The following DDX47 variants were observed in gnomAD, a reference collection of about 807,000 sequenced individuals.
The protein encoded by DDX47 is probable ATP-dependent RNA helicase DDX47.
A neutral mutation model predicts 58.8 loss-of-function variants in DDX47; 60 were observed. That is an observed-to-expected ratio of 1.02 (90% confidence interval 0.83 to 1.26). The LOEUF (loss-of-function observed/expected upper bound fraction) is 1.26. Ranked by LOEUF, DDX47 falls within the 50% of genes most tolerant of loss-of-function variation. The pLI is 0.00. For synonymous variants in DDX47, 197 were observed against 204.6 expected, an observed-to-expected ratio of 0.96 and a Z score of 0.32; for missense variants, 530 against 573.2, an observed-to-expected ratio of 0.92 and a Z score of 0.77.
intron 9 of DDX47, 71 bp downstream of exon 9, chr12:12,824,748 C>A (rs1319028869): frequency 1.3e-6 from 2 of 1,496,712 alleles, no homozygotes; most frequent in African/African-American, 2.8e-5. Context: ...TCTGTCTTTC[C>A]TTAGTTACAG....
chr12:12,822,414 A>G (rs1273509428), intron 5 of DDX47, among the ~76,000 whole-genome samples: 1 of 152,178 alleles, frequency 6.6e-6, no homozygotes, highest in Non-Finnish European at 1.5e-5. Context: ...TTTTCTCTTA[A>G]ATCAGCTCTG....
Position 12,817,549 on chromosome 12 carries a change from T to C in DDX47, c.181+3325T>C, listed in dbSNP as rs1862914474. Among the ~76,000 whole-genome samples the C allele has an allele frequency of 2.0e-5, 3 of 152,204 alleles. No homozygotes were observed. In the South Asian group the frequency reaches 6.2e-4, roughly 32 times the overall value. The stretch of plus-strand genomic sequence containing the variant: ...GTAACACATTGAGACACCATCTATT[T>C]ATGTCTGTTTCAGAGATCACTTAAA... On this transcript the variant is annotated intron_variant, in intron 2 of 11. Coordinates refer to ENST00000358007, the MANE Select transcript of DDX47 (RefSeq NM_016355.4).
At position 12,822,095 on chromosome 12, in the gene DDX47, A is replaced by G. The variant is rs1280608969; in HGVS notation, c.561+12A>G. 3 of 1,576,156 alleles carry G rather than the reference A, an allele frequency of 1.9e-6. No individual in the cohort carries two copies. Among genetic ancestry groups the G allele is most frequent in the Admixed American group, 1.7e-5 (1 of 59,422 alleles). On this transcript the variant is annotated intron_variant, in intron 5 of 11. Transcript: ENST00000358007. The stretch of plus-strand genomic sequence containing the variant: ...ATTTTGAGACAGAGGTGAGCTCTCA[A>G]TTTCTTTCCTCCTCTTAGAGCATCT...
intron 8 of DDX47, 97 bp from the exon 9 acceptor site, chr12:12,824,443 A>G (rs1398317720): frequency 2.5e-5 from 36 of 1,424,114 alleles, no homozygotes; most frequent in Non-Finnish European, 3.3e-5. Context: ...AAACCTTTAA[A>G]AAATTTATGT....
intron 9 of DDX47, 96 bp from the exon 10 acceptor site, chr12:12,825,904 T>C (rs1256759943): frequency 2.2e-6 from 2 of 904,046 alleles, no homozygotes; most frequent in Non-Finnish European, 3.2e-6. Flanking sequence ...ATGAATCTAT[T>C]TTCTTTCAAA....
At position 12,821,820 on chromosome 12, in the gene DDX47, T is replaced by C. The variant is rs1862977007; in HGVS notation, c.442+94T>C. 2.2e-5 allele frequency: 28 copies of C among 1,264,734 alleles called. No homozygotes were observed. The South Asian group carries it at 3.5e-4, about 16-fold the overall frequency. The allele number at this position is 1,264,734 out of a possible 1,614,324, so 78.3% of individuals were successfully genotyped here. ...GAAAGACTTTGAGAAACAGATTTTGTAACCCTGTTAAATTTTTTAATTTCT... is the reference window on the plus strand; with the variant it reads ...GAAAGACTTTGAGAAACAGATTTTGCAACCCTGTTAAATTTTTTAATTTCT... On this transcript the variant is annotated intron_variant, in intron 4 of 11. Transcript: ENST00000358007.
At chr12:12,827,215 C>T (rs1298519632) in intron 10 of DDX47, 31 bp from the exon 11 acceptor site, 2 of 1,604,564 alleles carry the variant, frequency 1.2e-6, no homozygotes, top group Non-Finnish European at 1.7e-6. Context: ...CGTTACCAGG[C>T]AACCAGAGCT....
intron 11 of DDX47, among the ~76,000 whole-genome samples, chr12:12,828,014 T>A (rs1462105713): frequency 6.6e-6 from 1 of 151,892 alleles, no homozygotes; most frequent in Non-Finnish European, 1.5e-5. Flanking sequence ...TACAGGCATG[T>A]GCCACCATGC....
intron 2 of DDX47, among the ~76,000 whole-genome samples, chr12:12,819,976 C>T (rs1454531165): frequency 1.3e-5 from 2 of 152,118 alleles, no homozygotes; most frequent in Non-Finnish European, 2.9e-5. Flanking sequence ...CAGGTTATGT[C>T]AGGGAAAAGA....
In DDX47 at chr12:12,819,978, G is replaced by C. The variant is rs182009084; in HGVS notation, c.182-1230G>C. On this transcript the variant is annotated intron_variant, in intron 2 of 11. Transcript: ENST00000358007. ...TGTAAGTCATGTTCAGGTTATGTCA[G>C]GGAAAAGAGATTTGTTTATTGTAGG... 9.8e-5 allele frequency among the ~76,000 whole-genome samples: 15 copies of C among 152,292 alleles called. No individual in the cohort carries two copies. In the East Asian group the frequency reaches 2.9e-3, roughly 29 times the overall value.
At position 12,828,611 on chromosome 12, in the gene DDX47, T is replaced by C. The variant is rs558908139; in HGVS notation, c.1237-812T>C. ...TGGAGAAACTTTGCCCATAGTTTGT[T>C]TTTGGAGTAGCTGAGGTGCACATTT... On this transcript the variant is annotated intron_variant, in intron 11 of 11. Coordinates refer to ENST00000358007, the MANE Select transcript of DDX47 (RefSeq NM_016355.4). Among the ~76,000 whole-genome samples the C allele has an allele frequency of 2.0e-5, 3 of 152,304 alleles. No individual in the cohort carries two copies. The South Asian group carries it at 6.2e-4, about 32-fold the overall frequency.
At chr12:12,828,814 TTATC>T (rs1863091232) in intron 11 of DDX47, among the ~76,000 whole-genome samples, 2 of 152,238 alleles carry the variant, frequency 1.3e-5, no homozygotes, top group South Asian at 4.1e-4. Flanking sequence ...TAATTAGACT[TTATC>T]TAATTATATA....
At chr12:12,827,038 C>T (rs1863061590) in intron 10 of DDX47, among the ~76,000 whole-genome samples, 1 of 152,186 alleles carries the variant, frequency 6.6e-6, no homozygotes, top group Non-Finnish European at 1.5e-5. Context: ...ATTACAGGTG[C>T]AAGCCACCAT....
intron 9 of DDX47, chr12:12,824,914 G>A: frequency 4.8e-6 from 2 of 415,072 alleles, no homozygotes; most frequent in South Asian, 4.6e-5. Flanking sequence ...AGGGGCTGGT[G>A]CGCCACATAC....
chr12:12,826,559 C>T (rs1164745239), intron 10 of DDX47, among the ~76,000 whole-genome samples: 2 of 151,912 alleles, frequency 1.3e-5, no homozygotes, highest in Non-Finnish European at 2.9e-5. Flanking sequence ...CCTCCTACCT[C>T]ACCATAGCTT....
chr12:12,821,405 C>T lies in DDX47; in HGVS notation c.370+9C>T. Reference sequence around the variant, plus strand: ...TATTGGAGTGCAGAGTGGTAAGTGTCTGAGAGGGAAGGGATCCTAGGTTGC... The same window carrying T: ...TATTGGAGTGCAGAGTGGTAAGTGTTTGAGAGGGAAGGGATCCTAGGTTGC... On this transcript the variant is annotated intron_variant, in intron 3 of 11. Transcript: ENST00000358007. 11 of 1,614,018 alleles carry T rather than the reference C, an allele frequency of 6.8e-6. No homozygotes were observed. Among genetic ancestry groups the T allele is most frequent in the Non-Finnish European group, 8.5e-6 (10 of 1,179,946 alleles).
chr12:12,819,924 C>A (rs912606646), intron 2 of DDX47, among the ~76,000 whole-genome samples: 1 of 152,220 alleles, frequency 6.6e-6, no homozygotes, highest in African/African-American at 2.4e-5. Context: ...TTTGTTTTCC[C>A]TGTTCTGGTC....
chr12:12,829,367 T>C, intron 11 of DDX47, 56 bp from the exon 12 acceptor site: 1 of 1,553,974 alleles, frequency 6.4e-7, no homozygotes, highest in South Asian at 1.3e-5. Context: ...CTAGAATGAG[T>C]AACCTTCAGT....
chr12:12,819,513 A>G (rs1592322065), intron 2 of DDX47, among the ~76,000 whole-genome samples: 1 of 152,142 alleles, frequency 6.6e-6, no homozygotes, highest in Admixed American at 6.6e-5. Context: ...CATGGCTCCC[A>G]TGTCTGTTCT....
Sources: allele counts gnomAD v4.1 joint callset (sites outside exome capture counted in the v4.1 genomes callset), GRCh38; gene constraint gnomAD v4.1.1; transcripts MANE v1.5; gene names NCBI Gene and HGNC (gene_info 2026-07-23, HGNC 2026-07-21).